Variants in LINGO1 observed in about 807,000 individuals in gnomAD.
LINGO1 encodes leucine-rich repeat and immunoglobulin-like domain-containing nogo receptor-interacting protein 1.
A neutral mutation model predicts 37.3 loss-of-function variants in LINGO1; 11 were observed. The observed-to-expected ratio is 0.29, with a 90% CI of 0.19 to 0.49. The LOEUF is 0.49. LINGO1 is among the 20% of genes least tolerant of loss of function. The pLI is 0.99. For missense variants in LINGO1, 585 were observed against 878.2 expected (o/e 0.67, Z 4.22); for synonymous variants, 387 against 403.0 (o/e 0.96, Z 0.48).
rs147413880 is a variant in LINGO1 at position 77,682,053 on chromosome 15, T to C, written c.-98-4879A>G. Among the ~76,000 whole-genome samples, 842 of 152,252 alleles carry C rather than the reference T, an allele frequency of 5.5e-3. 11 individuals carry two copies. The highest frequency in any genetic ancestry group is 0.019 in the African/African-American group (803 of 41,524). Reference sequence around the variant, plus strand: ...AACCCAGGCAGTCCAGCTCCAGCACTCGTCCCTAAGAGTCCCTGATAAAAC... The same window carrying C: ...AACCCAGGCAGTCCAGCTCCAGCACCCGTCCCTAAGAGTCCCTGATAAAAC... On this transcript the variant is annotated intron_variant, in intron 2 of 3. Coordinates refer to the LINGO1 transcript ENST00000559893.
chr15:77,782,120 G>C (rs956315643), intron 1 of LINGO1, among the ~76,000 whole-genome samples: 2 of 152,162 alleles, frequency 1.3e-5, no homozygotes, highest in Non-Finnish European at 2.9e-5. Flanking sequence ...CTATTATACA[G>C]AACAGAAGGA....
At chr15:77,799,804 T>TG (rs2076902750) in intron 1 of LINGO1, among the ~76,000 whole-genome samples, 2 of 144,128 alleles carry the variant, frequency 1.4e-5, no homozygotes, top group African/African-American at 2.6e-5. Flanking sequence ...TGTTTTGTTT[T>TG]CTTTTTTTTT....
chr15:77,626,013 T>A lies in LINGO1; in HGVS notation c.6+6297A>T, dbSNP rs139019046. Among the ~76,000 whole-genome samples, 25 of 152,302 alleles carry A rather than the reference T, an allele frequency of 1.6e-4. No individual in the cohort carries two copies. In the East Asian group the frequency reaches 4.1e-3, roughly 25 times the overall value. On this transcript the variant is annotated intron_variant, in intron 1 of 1. Coordinates refer to ENST00000355300, the MANE Select transcript of LINGO1 (RefSeq NM_032808.7). ...ACACCCACTTCACTGATGAGGAAAC[T>A]GAGGCTCTGAGCCATTAGTTCACCT...
intron 3 of LINGO1, among the ~76,000 whole-genome samples, chr15:77,669,998 A>G (rs11638387): frequency 0.12 from 18,435 of 152,294 alleles, 1,389 homozygotes; most frequent in Non-Finnish European, 0.17. Flanking sequence ...ATACGATGGA[A>G]TATCATTCAG....
Position 77,753,620 on chromosome 15 carries a change from T to C in LINGO1, c.-256-18567A>G, listed in dbSNP as rs551477391. Among the ~76,000 whole-genome samples the C allele has an allele frequency of 2.6e-4, 40 of 152,302 alleles. 1 individual carries two copies. In the South Asian group the frequency reaches 7.9e-3, roughly 30 times the overall value. On this transcript the variant is annotated intron_variant, in intron 1 of 3. Coordinates refer to the LINGO1 transcript ENST00000561686. Reference sequence around the variant, plus strand: ...TGGGCACTGCCAAGGACTGTCAGCATGGGGCCGCTTGCTCACTCAGTCTGG... The same window carrying C: ...TGGGCACTGCCAAGGACTGTCAGCACGGGGCCGCTTGCTCACTCAGTCTGG...
At position 77,743,794 on chromosome 15, in the gene LINGO1, G is replaced by C. The variant is rs151056367; in HGVS notation, c.-256-8741C>G. 1.2e-3 allele frequency among the ~76,000 whole-genome samples: 184 copies of C among 151,982 alleles called. 4 individuals are homozygous for C. In the East Asian group the frequency reaches 0.027, roughly 22 times the overall value. On this transcript the variant is annotated intron_variant, in intron 1 of 3. Coordinates refer to the LINGO1 transcript ENST00000561686. ...TGGGTGGGCATCAAAAGGGCTGAAGGGGGTGCTGCTGAAAGCCAGACTGCG... is the reference window on the plus strand; with the variant it reads ...TGGGTGGGCATCAAAAGGGCTGAAGCGGGTGCTGCTGAAAGCCAGACTGCG...
chr15:77,672,021 T>TCCTCCTCCTCCTCCC, intron 3 of LINGO1, among the ~76,000 whole-genome samples: 1 of 151,598 alleles, frequency 6.6e-6, no homozygotes. Flanking sequence ...CTCCTCCTCC[T>TCCTCCTCCTCCTCCC]CCTCCTCCTC....
intron 2 of LINGO1, among the ~76,000 whole-genome samples, chr15:77,714,496 C>A (rs1377380704): frequency 6.6e-6 from 1 of 152,158 alleles, no homozygotes; most frequent in African/African-American, 2.4e-5. Context: ...TGCCCTTTGC[C>A]ACATAGCCTC....
chr15:77,688,174 G>C (rs1001660732), intron 2 of LINGO1, among the ~76,000 whole-genome samples: 4 of 152,210 alleles, frequency 2.6e-5, no homozygotes, highest in Non-Finnish European at 5.9e-5. Context: ...TCAGAGCTGG[G>C]CTTGCCTCTG....
chr15:77,664,966 CTGCATGTGCAAACAGAGGCA>C lies in LINGO1; in HGVS notation c.-13+12103_-13+12122del, dbSNP rs534225197. 2.0e-4 allele frequency among the ~76,000 whole-genome samples: 31 copies of C among 152,308 alleles called. No homozygotes were observed. The East Asian group carries it at 6.0e-3, about 29-fold the overall frequency. On this transcript the variant is annotated intron_variant, in intron 3 of 3. Coordinates refer to the LINGO1 transcript ENST00000559893. Reference sequence around the variant, plus strand: ...ACACATATGACACACATACAGAGATCTGCATGTGCAAACAGAGGCATGCTTGTACACACGTGTGCCTGAGC... The same window carrying C: ...ACACATATGACACACATACAGAGATCTGCTTGTACACACGTGTGCCTGAGC...
chr15:77,810,084 C>T (rs2076991235), intron 1 of LINGO1, among the ~76,000 whole-genome samples: 1 of 152,056 alleles, frequency 6.6e-6, no homozygotes, highest in African/African-American at 2.4e-5. Flanking sequence ...CAGGGCACTC[C>T]TCCTTGCTGT....
chr15:77,820,357 C>G (rs1200553285), upstream of LINGO1: 1 of 152,406 alleles, frequency 6.6e-6, no homozygotes, highest in Non-Finnish European at 1.5e-5. Context: ...GGGCGACGCC[C>G]TCTCCGCCGC....
chr15:77,686,716 C>A (rs2075517203), intron 2 of LINGO1, among the ~76,000 whole-genome samples: 1 of 152,190 alleles, frequency 6.6e-6, no homozygotes, highest in Admixed American at 6.5e-5. Context: ...TCTTCGGGGA[C>A]CCCATCACAG....
upstream of LINGO1, among the ~76,000 whole-genome samples, chr15:77,700,220 C>T (rs933137414): frequency 6.6e-6 from 1 of 152,192 alleles, no homozygotes; most frequent in African/African-American, 2.4e-5. Flanking sequence ...CCCCCCAACA[C>T]ACCTCTCCCT....
chr15:77,663,657 T>A (rs2075047519), intron 3 of LINGO1, among the ~76,000 whole-genome samples: 1 of 152,012 alleles, frequency 6.6e-6, no homozygotes, highest in Non-Finnish European at 1.5e-5. Context: ...CCAGTAGGGG[T>A]CCTTCCTCAG....
chr15:77,661,541 C>A (rs903136983), intron 3 of LINGO1, among the ~76,000 whole-genome samples: 6 of 152,220 alleles, frequency 3.9e-5, no homozygotes, highest in African/African-American at 7.2e-5. Flanking sequence ...TCATTTGAAG[C>A]CCCCAATGAG....
At chr15:77,794,591 T>TATATA (rs1491171570) in intron 2 of LINGO1, among the ~76,000 whole-genome samples, 25 of 28,608 alleles carry the variant, frequency 8.7e-4, no homozygotes, top group African/African-American at 2.4e-3. Flanking sequence ...TATATATATA[T>TATATA]TTTTTTTTTT....
chr15:77,714,500 T>C (rs7175083), intron 2 of LINGO1, among the ~76,000 whole-genome samples: 75,764 of 151,748 alleles, frequency 0.5, 19,115 homozygotes, highest in Admixed American at 0.6. Context: ...CTTTGCCACA[T>C]AGCCTCCTCA....
intron 1 of LINGO1, among the ~76,000 whole-genome samples, chr15:77,773,477 A>C (rs964783443): frequency 6.6e-6 from 1 of 152,086 alleles, no homozygotes. Flanking sequence ...AGTAGGTGAG[A>C]TTTGAACCAA....
Sources: allele counts gnomAD v4.1 joint callset (sites outside exome capture counted in the v4.1 genomes callset), GRCh38; gene constraint gnomAD v4.1.1; transcripts MANE v1.5; gene names NCBI Gene and HGNC (gene_info 2026-07-23, HGNC 2026-07-21).